CELF4: variants seen among roughly 807,000 people sequenced by gnomAD.
The protein encoded by CELF4 is CUG-BP- and ETR-3-like factor 4.
A neutral mutation model predicts 59.9 loss-of-function variants in CELF4; 18 were observed. The ratio of observed to expected loss-of-function variants is 0.30; its 90% confidence interval spans 0.21 to 0.45. CELF4 has a LOEUF of 0.45. CELF4 is among the 20% of genes least tolerant of loss of function. The pLI is 1.00. For missense variants in CELF4, 456 were observed against 689.0 expected (o/e 0.66, Z 3.79); for synonymous variants, 261 against 267.1 (o/e 0.98, Z 0.22).
chr18:37,369,035 A>G (rs984949031), intron 2 of CELF4, among the ~76,000 whole-genome samples: 2 of 152,202 alleles, frequency 1.3e-5, no homozygotes, highest in African/African-American at 2.4e-5. Context: ...GGTGGATTCC[A>G]GAATGGGGAG....
intron 2 of CELF4, among the ~76,000 whole-genome samples, chr18:37,400,496 A>T (rs1405385372): frequency 2.6e-5 from 4 of 152,230 alleles, no homozygotes; most frequent in Non-Finnish European, 5.9e-5. Flanking sequence ...TTCTTTCAGC[A>T]AATACTACTT....
chr18:37,469,304 G>A (rs1185213172), intron 2 of CELF4, among the ~76,000 whole-genome samples: 1 of 152,152 alleles, frequency 6.6e-6, no homozygotes, highest in African/African-American at 2.4e-5. Flanking sequence ...CTCCTGTATG[G>A]CACAGACAGT....
chr18:37,292,804 G>A (rs992876363), intron 3 of CELF4, among the ~76,000 whole-genome samples: 4 of 152,146 alleles, frequency 2.6e-5, no homozygotes, highest in Admixed American at 6.5e-5. Flanking sequence ...ACCGTTTCTG[G>A]ACACTTTTAT....
At chr18:37,359,461 C>A (rs892960771) in intron 2 of CELF4, among the ~76,000 whole-genome samples, 15 of 152,162 alleles carry the variant, frequency 9.9e-5, no homozygotes, top group Non-Finnish European at 2.2e-4. Context: ...CCCTCCACAG[C>A]CTCCCAAATA....
chr18:37,425,780 T>C (rs943111838), intron 2 of CELF4, among the ~76,000 whole-genome samples: 2 of 152,248 alleles, frequency 1.3e-5, no homozygotes, highest in Non-Finnish European at 2.9e-5. Context: ...CGAAAGCCCT[T>C]GGGCCATGGT....
At chr18:37,500,517 T>C (rs1385021880) in intron 1 of CELF4, among the ~76,000 whole-genome samples, 2 of 36,452 alleles carry the variant, frequency 5.5e-5, no homozygotes, top group African/African-American at 1.2e-4. Context: ...GCTCATTTTC[T>C]TTTCTTTTCT....
In CELF4 at chr18:37,325,614, G is replaced by A. The variant is rs574512667; in HGVS notation, c.370-3733C>T. ...GGTGCAGGCAGACCTCCTCCATGGCGTGCTGTTGGGCTCACCCCTCACACA... is the reference window on the plus strand; with the variant it reads ...GGTGCAGGCAGACCTCCTCCATGGCATGCTGTTGGGCTCACCCCTCACACA... On this transcript the variant is annotated intron_variant, in intron 2 of 12. Coordinates refer to ENST00000420428, the MANE Select transcript of CELF4 (RefSeq NM_020180.4). 7.5e-4 allele frequency among the ~76,000 whole-genome samples: 114 copies of A among 152,262 alleles called. 1 individual carries two copies. The highest frequency in any genetic ancestry group is 3.4e-3 in the Middle Eastern group (1 of 294).
intron 1 of CELF4, among the ~76,000 whole-genome samples, chr18:37,488,754 C>G (rs1052147718): frequency 6.6e-6 from 1 of 152,224 alleles, no homozygotes; most frequent in Non-Finnish European, 1.5e-5. Context: ...CCTTTCCTCC[C>G]CTTCCAATGT....
intron 3 of CELF4, among the ~76,000 whole-genome samples, chr18:37,288,362 G>T (rs1409804061): frequency 6.6e-6 from 1 of 152,216 alleles, no homozygotes; most frequent in Admixed American, 6.5e-5. Flanking sequence ...TTTATGCAGA[G>T]CTCCATGCAT....
At chr18:37,365,723 T>C (rs968329893) in intron 2 of CELF4, among the ~76,000 whole-genome samples, 11 of 151,992 alleles carry the variant, frequency 7.2e-5, no homozygotes, top group Non-Finnish European at 1.6e-4. Context: ...TGACCTCAGG[T>C]GATCCGCCCG....
chr18:37,394,166 C>A (rs1235955732), intron 2 of CELF4, among the ~76,000 whole-genome samples: 1 of 152,148 alleles, frequency 6.6e-6, no homozygotes, highest in Non-Finnish European at 1.5e-5. Flanking sequence ...GCCTCCATAG[C>A]AACCGAGCTG....
chr18:37,372,135 A>G lies in CELF4; in HGVS notation c.370-50254T>C, dbSNP rs536048901. On this transcript the variant is annotated intron_variant, in intron 2 of 12. Coordinates refer to ENST00000420428, the MANE Select transcript of CELF4 (RefSeq NM_020180.4). ...ACCCAGCCATCCCACTACTGGGTAT[A>G]TACCCAAAGGATTATAAATCATGCT... Among the ~76,000 whole-genome samples, 3 of 152,384 alleles carry G rather than the reference A, an allele frequency of 2.0e-5. No homozygotes were observed. The East Asian group carries it at 5.8e-4, about 29-fold the overall frequency.
intron 1 of CELF4, among the ~76,000 whole-genome samples, chr18:37,520,386 A>T (rs1011049994): frequency 6.6e-6 from 1 of 152,256 alleles, no homozygotes; most frequent in Non-Finnish European, 1.5e-5. Flanking sequence ...TCCCCATTTC[A>T]TGAATGTAGA....
At chr18:37,445,248 G>A (rs1401940280) in intron 2 of CELF4, among the ~76,000 whole-genome samples, 3 of 152,126 alleles carry the variant, frequency 2.0e-5, no homozygotes, top group Admixed American at 2.0e-4. Flanking sequence ...CGGGAGCAGA[G>A]GGGCCAGTCT....
At chr18:37,497,363 G>A (rs952498165) in intron 1 of CELF4, among the ~76,000 whole-genome samples, 3 of 152,196 alleles carry the variant, frequency 2.0e-5, no homozygotes, top group Non-Finnish European at 4.4e-5. Flanking sequence ...CTTTAAAAGA[G>A]ACAATTGGTG....
intron 1 of CELF4, among the ~76,000 whole-genome samples, chr18:37,535,744 C>T (rs572710433): frequency 6.6e-6 from 1 of 152,196 alleles, no homozygotes; most frequent in African/African-American, 2.4e-5. Context: ...GGAGGCCAGG[C>T]CACAGAGGAG....
chr18:37,559,609 A>C (rs2099985944), intron 1 of CELF4, among the ~76,000 whole-genome samples: 1 of 151,874 alleles, frequency 6.6e-6, no homozygotes, highest in Non-Finnish European at 1.5e-5. Context: ...TTTAGGTGAG[A>C]TCCCTTCTGG....
rs1203869859 is a variant in CELF4, at chr18:37,274,162, C to T, written c.801+149G>A. ...TTTCAAACCCTTCTGAAGTTAAACC[C>T]CCCAGGTTCATGGGTTCATTCCCGG... On this transcript the variant is annotated intron_variant, in intron 6 of 12. Coordinates refer to ENST00000420428, the MANE Select transcript of CELF4 (RefSeq NM_020180.4). 6 of 1,473,798 alleles carry T rather than the reference C, an allele frequency of 4.1e-6. No homozygotes were observed. The African/African-American group carries it at 7.2e-5, about 18-fold the overall frequency. The allele number at this position is 1,473,798 out of a possible 1,614,324, so 91.3% of individuals were successfully genotyped here.
chr18:37,548,477 T>C (rs1476134937), intron 1 of CELF4, among the ~76,000 whole-genome samples: 1 of 152,190 alleles, frequency 6.6e-6, no homozygotes, highest in Non-Finnish European at 1.5e-5. Flanking sequence ...AGGCTGTGTG[T>C]GTGTCACTGT....
Sources: allele counts gnomAD v4.1 joint callset (sites outside exome capture counted in the v4.1 genomes callset), GRCh38; gene constraint gnomAD v4.1.1; transcripts MANE v1.5; gene names NCBI Gene and HGNC (gene_info 2026-07-23, HGNC 2026-07-21).